The following CUEDC1 variants were observed in gnomAD, a reference collection of about 807,000 sequenced individuals.
CUEDC1 encodes CUE domain-containing protein 1.
CUEDC1 carries 30 observed loss-of-function variants against 43.7 expected under a neutral mutation model. The ratio of observed to expected loss-of-function variants is 0.69; its 90% CI spans 0.51 to 0.93. CUEDC1 has a LOEUF of 0.93. CUEDC1 is among the 40% of genes least tolerant of loss of function. The pLI is 0.00. For missense variants in CUEDC1, 486 were observed against 549.0 expected, an observed-to-expected ratio of 0.89 and a Z score of 1.15; for synonymous variants, 223 against 223.6, an observed-to-expected ratio of 1.00 and a Z score of 0.02.
At chr17:57,879,461 T>C (rs545376346) in intron 3 of CUEDC1, 150 bp downstream of exon 3, 2 of 1,071,034 alleles carry the variant, frequency 1.9e-6, no homozygotes, top group African/African-American at 1.7e-5. Context: ...TTCTCCTTGG[T>C]ATCTAGCTAA....
chr17:57,867,169 G>T (rs866745869), intron 9 of CUEDC1, 188 bp downstream of exon 9: 1 of 627,538 alleles, frequency 1.6e-6, no homozygotes, highest in Admixed American at 2.4e-5. Context: ...CCTTTTCAGG[G>T]GTTGCAGAAA....
chr17:57,940,875 A>G (rs1036624413), intron 1 of CUEDC1, among the ~76,000 whole-genome samples: 5 of 152,216 alleles, frequency 3.3e-5, no homozygotes, highest in Admixed American at 2.6e-4. Flanking sequence ...AAACAGTTCT[A>G]CAGGTGCAAA....
intron 6 of CUEDC1, among the ~76,000 whole-genome samples, chr17:57,871,052 A>T (rs1455254233): frequency 1.3e-5 from 2 of 152,168 alleles, no homozygotes; most frequent in African/African-American, 2.4e-5. Flanking sequence ...ACTTGAACAC[A>T]ACTGTGGGCT....
intron 1 of CUEDC1, among the ~76,000 whole-genome samples, chr17:57,908,245 C>T (rs577117948): frequency 1.3e-5 from 2 of 152,266 alleles, no homozygotes; most frequent in African/African-American, 4.8e-5. Context: ...TTGGTAGAGA[C>T]GAGGTTTTGT....
chr17:57,880,422 A>G (rs965323263), intron 2 of CUEDC1, among the ~76,000 whole-genome samples: 1 of 152,198 alleles, frequency 6.6e-6, no homozygotes, highest in African/African-American at 2.4e-5. Flanking sequence ...TTGGACCACA[A>G]GGGTCCCTCC....
chr17:57,910,336 C>A (rs1355915724), intron 1 of CUEDC1, among the ~76,000 whole-genome samples: 1 of 151,902 alleles, frequency 6.6e-6, no homozygotes, highest in African/African-American at 2.4e-5. Context: ...CACCTGAAAG[C>A]ACATAGGGAA....
chr17:57,927,585 C>A (rs2074761040), intron 1 of CUEDC1, among the ~76,000 whole-genome samples: 1 of 152,180 alleles, frequency 6.6e-6, no homozygotes. Flanking sequence ...ATAGGAGCAG[C>A]TGGGTTTAGC....
At chr17:57,863,951 A>T (rs929420039) in intron 10 of CUEDC1, among the ~76,000 whole-genome samples, 3 of 146,768 alleles carry the variant, frequency 2.0e-5, no homozygotes, top group Non-Finnish European at 4.5e-5. Flanking sequence ...CAGTGAGTGG[A>T]GATTGCACCA....
chr17:57,934,233 A>T (rs1328747978), intron 1 of CUEDC1, among the ~76,000 whole-genome samples: 2 of 152,138 alleles, frequency 1.3e-5, no homozygotes, highest in African/African-American at 4.8e-5. Context: ...CTCTACTAAA[A>T]ATACAAAAAT....
rs376496320 is a variant in CUEDC1, at chr17:57,920,884, G to A, written c.-316+34341C>T. Reference sequence around the variant, plus strand: ...ACTCCTGACCTCAGGTGATCTGCCCGCTTCATCCTCCCAAAGTGTTGGGAT... The same window carrying A: ...ACTCCTGACCTCAGGTGATCTGCCCACTTCATCCTCCCAAAGTGTTGGGAT... On this transcript the variant is annotated intron_variant, in intron 1 of 10. Transcript: ENST00000577830. 1.4e-4 allele frequency among the ~76,000 whole-genome samples: 21 copies of A among 152,000 alleles called. 1 individual carries two copies. Among genetic ancestry groups the A allele is most frequent in the African/African-American group, 2.7e-4 (11 of 41,396 alleles).
At chr17:57,932,040 G>C (rs2074808861) in intron 1 of CUEDC1, among the ~76,000 whole-genome samples, 1 of 151,974 alleles carries the variant, frequency 6.6e-6, no homozygotes, top group South Asian at 2.1e-4. Flanking sequence ...GGCAGGCTGA[G>C]GCAGGCACAT....
chr17:57,872,004 C>A (rs2074040880), intron 5 of CUEDC1, among the ~76,000 whole-genome samples: 1 of 152,234 alleles, frequency 6.6e-6, no homozygotes, highest in Admixed American at 6.5e-5. Context: ...TGGGCCTCAG[C>A]CCAGCCTTCT....
intron 6 of CUEDC1, 69 bp from the exon 7 acceptor site, chr17:57,869,262 C>G: frequency 7.3e-7 from 1 of 1,368,346 alleles, no homozygotes; most frequent in Non-Finnish European, 1.0e-6. Flanking sequence ...GCCCTACCCA[C>G]CCATCTGAGG....
intron 1 of CUEDC1, among the ~76,000 whole-genome samples, chr17:57,899,532 G>A (rs572771498): frequency 6.6e-6 from 1 of 152,278 alleles, no homozygotes; most frequent in African/African-American, 2.4e-5. Context: ...CCCAGATCGT[G>A]AGACTCCTGG....
intron 3 of CUEDC1, among the ~76,000 whole-genome samples, chr17:57,877,341 G>A (rs1332251017): frequency 6.6e-6 from 1 of 152,106 alleles, no homozygotes; most frequent in African/African-American, 2.4e-5. Flanking sequence ...ATTTATACTG[G>A]GATTTTCAGC....
chr17:57,876,919 G>A (rs540966318), intron 3 of CUEDC1, among the ~76,000 whole-genome samples: 1 of 152,230 alleles, frequency 6.6e-6, no homozygotes, highest in Non-Finnish European at 1.5e-5. Flanking sequence ...CCTCCTAACA[G>A]TGCTAAGGTG....
At chr17:57,918,384 C>G (rs193227228) in intron 1 of CUEDC1, among the ~76,000 whole-genome samples, 1 of 152,328 alleles carries the variant, frequency 6.6e-6, no homozygotes, top group East Asian at 1.9e-4. Context: ...AAGGCCTACC[C>G]CCAGTCATCC....
intron 3 of CUEDC1, among the ~76,000 whole-genome samples, chr17:57,874,847 G>A (rs1272351757): frequency 1.3e-5 from 2 of 152,082 alleles, no homozygotes; most frequent in Non-Finnish European, 2.9e-5. Flanking sequence ...TCTATTTCGG[G>A]CGGGTGGCCG....
intron 10 of CUEDC1, among the ~76,000 whole-genome samples, chr17:57,866,230 A>G (rs2073955256): frequency 6.6e-6 from 1 of 152,220 alleles, no homozygotes; most frequent in African/African-American, 2.4e-5. Context: ...TCCTGTTCTC[A>G]GCATCTGTCA....
Sources: allele counts gnomAD v4.1 joint callset (sites outside exome capture counted in the v4.1 genomes callset), GRCh38; gene constraint gnomAD v4.1.1; transcripts MANE v1.5; gene names NCBI Gene and HGNC (gene_info 2026-07-23, HGNC 2026-07-21).